Variants in COL5A1 observed in about 807,000 individuals in gnomAD.
COL5A1 encodes the protein collagen type V alpha 1 chain.
COL5A1 carries 16 observed loss-of-function variants against 263.7 expected under a neutral mutation model. The ratio of observed to expected loss-of-function variants is 0.06; its 90% confidence interval spans 0.04 to 0.09. The LOEUF (loss-of-function observed/expected upper bound fraction) is 0.09. Among genes scored for constraint, COL5A1 ranks in the 10% least tolerant of loss-of-function variants. The pLI is 1.00. For missense variants in COL5A1, 2,036 were observed against 2,540.5 expected (o/e 0.80, Z 4.27); for synonymous variants, 1,012 against 1,004.5 (o/e 1.01, Z -0.14).
At chr9:134,825,967 G>T in intron 63 of COL5A1, 63 bp downstream of exon 63, 1 of 1,061,750 alleles carries the variant, frequency 9.4e-7, no homozygotes, top group Non-Finnish European at 1.5e-6. Flanking sequence ...GCCATGCCGA[G>T]GGCTTCAAGC....
chr9:134,819,179 G>A (rs1250354369), intron 57 of COL5A1, 126 bp downstream of exon 57: 47 of 1,061,422 alleles, frequency 4.4e-5, no homozygotes, highest in Non-Finnish European at 6.6e-5. Flanking sequence ...GCAGGCTGGT[G>A]GTGGGGAACC....
chr9:134,761,909 C>T lies in COL5A1; in HGVS notation c.1936-16C>T, dbSNP rs199694949. 7 of 1,613,210 alleles carry T rather than the reference C, an allele frequency of 4.3e-6. No homozygotes were observed. In the African/African-American group the frequency reaches 5.3e-5, roughly 12 times the overall value. On this transcript the variant is annotated splice_polypyrimidine_tract_variant and intron_variant, in intron 18 of 65. Transcript: ENST00000371817. ...CCTGCTCAGGAGAGGCTGACGTTGA[C>T]CCTTTCACTTCCTAGGGTGACCCTG...
At chr9:134,685,593 A>G (rs796485051) in intron 1 of COL5A1, among the ~76,000 whole-genome samples, 1,335 of 57,704 alleles carry the variant, frequency 0.023, no homozygotes, top group South Asian at 0.047. Context: ...TCCTCCATCC[A>G]TCCATCCATC....
chr9:134,747,408 T>C (rs752656117), intron 11 of COL5A1, among the ~76,000 whole-genome samples: 18 of 152,162 alleles, frequency 1.2e-4, no homozygotes, highest in Non-Finnish European at 2.2e-4. Flanking sequence ...CAACACCATG[T>C]GAGCAGGAGC....
At chr9:134,819,302 C>G (rs1466087038) in intron 57 of COL5A1, among the ~76,000 whole-genome samples, 2 of 152,234 alleles carry the variant, frequency 1.3e-5, no homozygotes, top group African/African-American at 4.8e-5. Context: ...TGACGGAGAA[C>G]CTTCCAGCTA....
At chr9:134,674,497 T>C (rs1422381716) in intron 1 of COL5A1, among the ~76,000 whole-genome samples, 1 of 151,166 alleles carries the variant, frequency 6.6e-6, no homozygotes, top group Non-Finnish European at 1.5e-5. Context: ...GTGATGGACA[T>C]GTTGTGTATC....
intron 1 of COL5A1, among the ~76,000 whole-genome samples, chr9:134,689,303 C>G (rs907936961): frequency 6.6e-6 from 1 of 152,194 alleles, no homozygotes. Flanking sequence ...TGGGACTTTC[C>G]TCTTGAGCCC....
At chr9:134,730,573 C>A in intron 7 of COL5A1, 98 bp downstream of exon 7, 1 of 1,551,892 alleles carries the variant, frequency 6.4e-7, no homozygotes, top group Non-Finnish European at 8.8e-7. Context: ...CCAGTTCTCA[C>A]CTTGGTGTCC....
Position 134,754,724 on chromosome 9 carries a change from G to T in COL5A1, c.1827+398G>T, listed in dbSNP as rs191442010. On this transcript the variant is annotated intron_variant, in intron 16 of 65. Coordinates refer to ENST00000371817, the MANE Select transcript of COL5A1 (RefSeq NM_000093.5). This position sits in a 1 kb window ranked among gnomAD's most constrained non-coding sequence, Gnocchi z 4.3. The stretch of plus-strand genomic sequence containing the variant: ...GGGCGGGCCTTCCTGCGCCTTACCT[G>T]CTGTCTTGCCTCCTGGAATTTTCTG... Among the ~76,000 whole-genome samples the T allele has an allele frequency of 1.8e-3, 278 of 152,298 alleles. 1 individual carries two copies. The highest frequency in any genetic ancestry group is 2.6e-3 in the Non-Finnish European group (180 of 68,026).
chr9:134,682,408 A>G lies in COL5A1; in HGVS notation c.110-8504A>G, dbSNP rs1176307190. On this transcript the variant is annotated intron_variant, in intron 1 of 65. Transcript: ENST00000371817. This position sits in a 1 kb window ranked among gnomAD's most constrained non-coding sequence, Gnocchi z 5.1. ...CTGTGCGGGTGAACATGGGGCAGAGAGATCGGGCTGGGCCAGCACACTTCC... is the reference window on the plus strand; with the variant it reads ...CTGTGCGGGTGAACATGGGGCAGAGGGATCGGGCTGGGCCAGCACACTTCC... Among the ~76,000 whole-genome samples, 1 of 152,140 alleles carries G rather than the reference A, an allele frequency of 6.6e-6. No homozygotes were observed. Among genetic ancestry groups the G allele is most frequent in the Non-Finnish European group, 1.5e-5 (1 of 68,004 alleles).
chr9:134,648,304 A>AAC (rs1554773584), intron 1 of COL5A1, among the ~76,000 whole-genome samples: 1 of 116,732 alleles, frequency 8.6e-6, no homozygotes, highest in African/African-American at 3.0e-5. Flanking sequence ...ATATATATAT[A>AAC]ATATATATAT....
At chr9:134,819,078 C>T (rs1334992405) in intron 57 of COL5A1, 25 bp downstream of exon 57, 1 of 1,611,188 alleles carries the variant, frequency 6.2e-7, no homozygotes, top group African/African-American at 1.3e-5. Context: ...CCTGCCCCAG[C>T]AACTGTGACT....
intron 54 of COL5A1, 152 bp downstream of exon 54, chr9:134,817,983 A>T (rs895889033): frequency 8.5e-6 from 7 of 818,768 alleles, no homozygotes; most frequent in Admixed American, 4.1e-5. Context: ...CCTGGGGAGG[A>T]GACCTGGTTC....
intron 32 of COL5A1, among the ~76,000 whole-genome samples, chr9:134,793,384 T>TGGG (rs80045999): frequency 0.026 from 3,977 of 151,090 alleles, 51 homozygotes; most frequent in East Asian, 0.051. Context: ...CTAAGGAGGC[T>TGGG]GGGGGGGGCA....
intron 1 of COL5A1, among the ~76,000 whole-genome samples, chr9:134,668,328 G>A (rs1409460407): frequency 6.6e-6 from 1 of 152,184 alleles, no homozygotes; most frequent in Admixed American, 6.5e-5. Flanking sequence ...GAGATGAATA[G>A]GAATTCACCA....
In COL5A1 at chr9:134,727,215, C is replaced by A. The variant is rs753420559; in HGVS notation, c.655-51C>A. ...CATGGGGCTGTGTCTCCCAGGTCCC[C>A]ATGCGAGTGCTCTGTGAGCTGCTTT... is the stretch of plus-strand genomic sequence containing the variant. On this transcript the variant is annotated intron_variant, in intron 4 of 65. Transcript: ENST00000371817. The A allele has an allele frequency of 1.7e-5, 28 of 1,605,878 alleles. 1 individual carries two copies. In the South Asian group the frequency reaches 3.1e-4, roughly 18 times the overall value.
At chr9:134,748,815 G>C (rs1042070918) in intron 11 of COL5A1, among the ~76,000 whole-genome samples, 2 of 152,220 alleles carry the variant, frequency 1.3e-5, no homozygotes, top group African/African-American at 4.8e-5. Flanking sequence ...AACGTGCATC[G>C]GCAGAAGACG....
At position 134,811,359 on chromosome 9, in the gene COL5A1, T is replaced by C. The variant is rs1017015814; in HGVS notation, c.3549T>C (p.Gly1183=). 1 of 1,613,922 alleles carries C rather than the reference T, an allele frequency of 6.2e-7. No individual in the cohort carries two copies. Among genetic ancestry groups the C allele is most frequent in the Non-Finnish European group, 8.5e-7 (1 of 1,179,948 alleles). The change falls in exon 45 of 66, where the codon GGT becomes GGC. Residue 1183 remains glycine, a synonymous_variant. Transcript: ENST00000371817. Reference sequence around the variant, plus strand: ...CGCAGGGTCCTCCTGGGCCTACAGGTCCTCAAGGCCCCATCGGACAGCCAG... The same window carrying C: ...CGCAGGGTCCTCCTGGGCCTACAGGCCCTCAAGGCCCCATCGGACAGCCAG... ...KGEQGPPGPT[G]PQGPIGQPGP...
At chr9:134,832,401 G>A (rs902701839) in intron 64 of COL5A1, among the ~76,000 whole-genome samples, 18 of 151,846 alleles carry the variant, frequency 1.2e-4, no homozygotes, top group Admixed American at 4.6e-4. Context: ...GTGAGACTCC[G>A]TCTCCAAAAA....
Sources: allele counts gnomAD v4.1 joint callset (sites outside exome capture counted in the v4.1 genomes callset), GRCh38; gene constraint gnomAD v4.1.1; non-coding constraint Gnocchi (gnomAD v3.1); transcripts MANE v1.5; gene names NCBI Gene and HGNC (gene_info 2026-07-23, HGNC 2026-07-21).